The following OPCML variants were observed in gnomAD, a reference collection of about 807,000 sequenced individuals.
The protein encoded by OPCML is opioid-binding protein/cell adhesion molecule.
A neutral mutation model predicts 37.8 loss-of-function variants in OPCML; 13 were observed. That is an observed-to-expected ratio of 0.34 (90% confidence interval 0.22 to 0.55). The LOEUF (loss-of-function observed/expected upper bound fraction) is 0.55. Among genes scored for constraint, OPCML ranks in the 20% least tolerant of loss-of-function variants. The pLI is 0.91. For synonymous variants in OPCML, 176 were observed against 168.8 expected, an observed-to-expected ratio of 1.04 and a Z score of -0.33; for missense variants, 341 against 435.6, an observed-to-expected ratio of 0.78 and a Z score of 1.93.
intron 2 of OPCML, among the ~76,000 whole-genome samples, chr11:132,840,278 T>C (rs373366225): frequency 3.3e-5 from 5 of 152,286 alleles, no homozygotes; most frequent in African/African-American, 1.2e-4. Flanking sequence ...GATCAGAACA[T>C]TTTACTTAAA....
intron 2 of OPCML, among the ~76,000 whole-genome samples, chr11:132,793,012 C>T (rs1047078189): frequency 1.3e-5 from 2 of 152,284 alleles, no homozygotes; most frequent in Non-Finnish European, 2.9e-5. Context: ...CAGATCAGGG[C>T]GATACGGGCA....
At chr11:132,804,089 G>A (rs1938850145) in intron 2 of OPCML, among the ~76,000 whole-genome samples, 1 of 152,156 alleles carries the variant, frequency 6.6e-6, no homozygotes, top group South Asian at 2.1e-4. Flanking sequence ...TCTTCGGTCA[G>A]TAAAGAGCAG....
intron 1 of OPCML, among the ~76,000 whole-genome samples, chr11:133,480,832 A>G (rs1011159259): frequency 6.6e-6 from 1 of 152,250 alleles, no homozygotes; most frequent in Non-Finnish European, 1.5e-5. Flanking sequence ...CATCTACCAT[A>G]GAGCTTTGCC....
chr11:133,149,568 C>T (rs555044030), intron 1 of OPCML, among the ~76,000 whole-genome samples: 1 of 152,344 alleles, frequency 6.6e-6, no homozygotes, highest in South Asian at 2.1e-4. Context: ...CCTCCAAATT[C>T]TCTCAACCCC....
intron 4 of OPCML, among the ~76,000 whole-genome samples, chr11:132,464,665 C>T (rs563051966): frequency 6.6e-6 from 1 of 152,202 alleles, no homozygotes; most frequent in East Asian, 1.9e-4. Context: ...ATCATTGATG[C>T]TTTCTCGGGG....
chr11:133,197,360 T>C (rs1001379134), intron 1 of OPCML, among the ~76,000 whole-genome samples: 2 of 152,198 alleles, frequency 1.3e-5, no homozygotes, highest in Admixed American at 1.3e-4. Flanking sequence ...TAAGAGATCA[T>C]TAAACCTTAA....
chr11:132,773,319 G>A (rs573886406), intron 2 of OPCML: 18 of 152,272 alleles, frequency 1.2e-4, no homozygotes, highest in African/African-American at 4.1e-4. Flanking sequence ...GGAGGGCTTT[G>A]CCGGTAGCTG....
At chr11:132,981,961 A>G (rs1027310299) in intron 1 of OPCML, among the ~76,000 whole-genome samples, 3 of 152,208 alleles carry the variant, frequency 2.0e-5, no homozygotes, top group African/African-American at 7.2e-5. Context: ...TCACATATCC[A>G]AACATTTGTG....
intron 1 of OPCML, among the ~76,000 whole-genome samples, chr11:133,096,421 G>T (rs977205088): frequency 6.6e-6 from 1 of 151,872 alleles, no homozygotes; most frequent in African/African-American, 2.4e-5. Context: ...TATGTAAAAT[G>T]CTGAATTAAA....
At chr11:133,220,801 C>T (rs1021483795) in intron 1 of OPCML, among the ~76,000 whole-genome samples, 2 of 152,038 alleles carry the variant, frequency 1.3e-5, no homozygotes, top group African/African-American at 4.8e-5. Flanking sequence ...GCTTCGGGAG[C>T]CTCTAAATGC....
chr11:132,442,845 C>T (rs1350912910), intron 4 of OPCML, among the ~76,000 whole-genome samples: 1 of 152,182 alleles, frequency 6.6e-6, no homozygotes, highest in Non-Finnish European at 1.5e-5. Flanking sequence ...CCATGTGGAA[C>T]TGTGAGTCGA....
At chr11:132,845,298 A>G (rs1591691678) in intron 2 of OPCML, among the ~76,000 whole-genome samples, 1 of 152,166 alleles carries the variant, frequency 6.6e-6, no homozygotes, top group African/African-American at 2.4e-5. Context: ...CATTTACCGC[A>G]TGCTTAGGCC....
intron 4 of OPCML, among the ~76,000 whole-genome samples, chr11:132,521,661 G>A (rs1244010790): frequency 6.6e-6 from 1 of 151,968 alleles, no homozygotes; most frequent in Non-Finnish European, 1.5e-5. Flanking sequence ...AATGCATGCT[G>A]GGCTCAAAAC....
chr11:132,760,811 A>G (rs1193995158), intron 2 of OPCML, among the ~76,000 whole-genome samples: 1 of 151,966 alleles, frequency 6.6e-6, no homozygotes, highest in Non-Finnish European at 1.5e-5. Flanking sequence ...TAAGATTAAT[A>G]TTGTTATGTG....
At chr11:132,982,381 A>G (rs575993292) in intron 1 of OPCML, among the ~76,000 whole-genome samples, 1 of 152,082 alleles carries the variant, frequency 6.6e-6, no homozygotes, top group Non-Finnish European at 1.5e-5. Flanking sequence ...TGTCTCATCT[A>G]TAATATCAGA....
intron 3 of OPCML, among the ~76,000 whole-genome samples, chr11:132,599,638 G>C (rs1384303582): frequency 6.6e-6 from 1 of 152,090 alleles, no homozygotes; most frequent in African/African-American, 2.4e-5. Flanking sequence ...TGCAGAAGAA[G>C]CCCCGAGTGC....
chr11:132,525,798 A>G (rs1338671846), intron 4 of OPCML: 1 of 152,230 alleles, frequency 6.6e-6, no homozygotes, highest in Non-Finnish European at 1.5e-5. Context: ...TGCTGCACCC[A>G]TCAACCCGTC....
intron 1 of OPCML, among the ~76,000 whole-genome samples, chr11:133,438,964 A>G (rs1946301143): frequency 6.6e-6 from 1 of 151,782 alleles, no homozygotes; most frequent in Non-Finnish European, 1.5e-5. Context: ...CACACACCAC[A>G]CCCCATGCCT....
intron 1 of OPCML, among the ~76,000 whole-genome samples, chr11:133,222,845 T>C (rs986088953): frequency 2.6e-5 from 4 of 152,124 alleles, no homozygotes; most frequent in African/African-American, 7.2e-5. Context: ...GCCCTGTCAT[T>C]AATCAAACAC....
Sources: gnomAD v4.1 joint callset for allele counts (sites outside exome capture counted in the v4.1 genomes callset) on GRCh38, gnomAD v4.1.1 for gene constraint, MANE v1.5 for transcripts, NCBI Gene and HGNC (gene_info 2026-07-23, HGNC 2026-07-21) for gene names.